The following ASTN2 variants were observed in gnomAD, a reference collection of about 807,000 sequenced individuals.
The protein encoded by ASTN2 is astrotactin-2.
In ASTN2, 54 loss-of-function variants were observed where a neutral mutation model predicts 139.8. The ratio of observed to expected loss-of-function variants is 0.39; its 90% CI spans 0.31 to 0.48. ASTN2 has a LOEUF of 0.48. Among genes scored for constraint, ASTN2 ranks in the 20% least tolerant of loss-of-function variants. ASTN2 has a pLI of 0.95. For missense variants in ASTN2, 1,565 were observed against 1,725.1 expected (o/e 0.91, Z 1.64); for synonymous variants, 756 against 719.5 (o/e 1.05, Z -0.81).
chr9:117,075,504 GGGA>G (rs1365225127), intron 5 of ASTN2, among the ~76,000 whole-genome samples: 1 of 149,396 alleles, frequency 6.7e-6, no homozygotes, highest in Admixed American at 6.6e-5. Flanking sequence ...AAGGGGGAGG[GGGA>G]GGAGGAGGAG....
At chr9:116,769,910 T>C (rs1829911746) in intron 13 of ASTN2, among the ~76,000 whole-genome samples, 1 of 37,856 alleles carries the variant, frequency 2.6e-5, no homozygotes, top group South Asian at 9.3e-4. Context: ...ATGGGCATGG[T>C]GGTGGGGTGC....
At chr9:117,196,046 G>A (rs1039784063) in intron 3 of ASTN2, among the ~76,000 whole-genome samples, 2 of 152,074 alleles carry the variant, frequency 1.3e-5, no homozygotes, top group African/African-American at 2.4e-5. Context: ...GCTCATTGCC[G>A]TCCCAAGGAT....
chr9:117,213,408 T>C (rs1048129413), intron 3 of ASTN2, among the ~76,000 whole-genome samples: 5 of 152,168 alleles, frequency 3.3e-5, no homozygotes, highest in Admixed American at 2.0e-4. Flanking sequence ...AGATTACTTA[T>C]TAATGTAATA....
intron 10 of ASTN2, among the ~76,000 whole-genome samples, chr9:116,974,416 T>C (rs914509456): frequency 1.3e-5 from 2 of 151,906 alleles, no homozygotes; most frequent in African/African-American, 4.8e-5. Context: ...AGTAAGTCTA[T>C]AATGAAGTTA....
chr9:117,294,215 C>T (rs142375986), intron 1 of ASTN2, among the ~76,000 whole-genome samples: 1 of 152,392 alleles, frequency 6.6e-6, no homozygotes, highest in African/African-American at 2.4e-5. Flanking sequence ...GTTGCACTTA[C>T]ATCTCCTTTC....
chr9:116,953,436 G>A (rs1324579996), intron 10 of ASTN2, among the ~76,000 whole-genome samples: 1 of 152,146 alleles, frequency 6.6e-6, no homozygotes, highest in Non-Finnish European at 1.5e-5. Context: ...GGTGTTGCTG[G>A]AGCCCAGCAT....
chr9:117,065,253 A>T (rs886729079), intron 5 of ASTN2, among the ~76,000 whole-genome samples: 8 of 152,134 alleles, frequency 5.3e-5, no homozygotes, highest in Non-Finnish European at 8.8e-5. Flanking sequence ...GGCCTCAAAA[A>T]CTGAGAGAGA....
At chr9:116,853,792 A>G (rs956708275) in intron 11 of ASTN2, among the ~76,000 whole-genome samples, 13 of 152,170 alleles carry the variant, frequency 8.5e-5, no homozygotes, top group African/African-American at 2.7e-4. Context: ...ATCATGAAAC[A>G]CTAATACAAT....
intron 3 of ASTN2, among the ~76,000 whole-genome samples, chr9:117,158,674 A>T (rs1830481713): frequency 3.3e-5 from 5 of 152,068 alleles, no homozygotes; most frequent in Admixed American, 3.3e-4. Flanking sequence ...GATTTTGTCA[A>T]GACTAGAAGA....
At chr9:116,826,254 C>T (rs1326313343) in intron 11 of ASTN2, among the ~76,000 whole-genome samples, 2 of 152,194 alleles carry the variant, frequency 1.3e-5, no homozygotes, top group Non-Finnish European at 2.9e-5. Context: ...CAAGGGGCTG[C>T]TGTGAGACCA....
At chr9:117,314,981 T>C (rs1433069561) in intron 1 of ASTN2, among the ~76,000 whole-genome samples, 1 of 147,718 alleles carries the variant, frequency 6.8e-6, no homozygotes, top group Non-Finnish European at 1.5e-5. Context: ...TGATGAAATA[T>C]ATGCAATATA....
At chr9:116,659,383 C>A (rs757330353) in intron 16 of ASTN2, among the ~76,000 whole-genome samples, 4 of 152,000 alleles carry the variant, frequency 2.6e-5, no homozygotes, top group Non-Finnish European at 4.4e-5. Context: ...GACTCCTGTC[C>A]CACTAGTGTA....
intron 7 of ASTN2, among the ~76,000 whole-genome samples, chr9:117,001,394 C>T (rs1231031883): frequency 6.6e-6 from 1 of 152,182 alleles, no homozygotes; most frequent in African/African-American, 2.4e-5. Context: ...GGAGAAAGTT[C>T]TAGCTGTTCT....
At chr9:116,871,357 T>C (rs1833161691) in intron 10 of ASTN2, among the ~76,000 whole-genome samples, 1 of 152,226 alleles carries the variant, frequency 6.6e-6, no homozygotes, top group Admixed American at 6.5e-5. Flanking sequence ...TACCATATGA[T>C]TTACCTATTT....
At chr9:116,871,856 G>A (rs1833174539) in intron 10 of ASTN2, among the ~76,000 whole-genome samples, 2 of 152,268 alleles carry the variant, frequency 1.3e-5, no homozygotes, top group African/African-American at 2.4e-5. Flanking sequence ...AGCCTTCTCA[G>A]CCCCTAATAG....
At chr9:117,127,214 A>G (rs1376169230) in intron 4 of ASTN2, among the ~76,000 whole-genome samples, 5 of 152,182 alleles carry the variant, frequency 3.3e-5, no homozygotes, top group African/African-American at 7.2e-5. Context: ...AGTTATTTCT[A>G]TGTAGTTCTG....
Position 116,976,738 on chromosome 9 carries a change from G to A in ASTN2, c.1639C>T (p.His547Tyr). The A allele has an allele frequency of 3.1e-6, 5 of 1,614,098 alleles. No individual in the cohort carries two copies. Among genetic ancestry groups the A allele is most frequent in the South Asian group, 1.1e-5 (1 of 91,080 alleles). The change falls in exon 8 of 23, where the codon CAC (histidine) becomes TAC (tyrosine). Residue 547 changes from histidine (H) to tyrosine (Y), a missense_variant. Around this residue, in one of 4 missense-constraint regions of ASTN2, gnomAD observed 503 missense variants for 591.7 expected, o/e 0.85. Transcript: ENST00000313400. ...CCCCAGTCACTGCGCACACACAGGT[G>A]TCTGTGAACAGGGTCAGGGGCATAG... ...EGYAPDPVHR[H>Y]LCVRSDWGQS...
intron 17 of ASTN2, among the ~76,000 whole-genome samples, chr9:116,630,218 C>T (rs1354575746): frequency 2.0e-5 from 3 of 152,096 alleles, no homozygotes. Flanking sequence ...GGTTCCTTTC[C>T]TAAGTTACAT....
chr9:117,406,619 A>G (rs1830997653), intron 1 of ASTN2, among the ~76,000 whole-genome samples: 1 of 152,002 alleles, frequency 6.6e-6, no homozygotes, highest in South Asian at 2.1e-4. Flanking sequence ...TCCGCCTGGA[A>G]TGTGCTTTTC....
Sources: allele counts gnomAD v4.1 joint callset (sites outside exome capture counted in the v4.1 genomes callset), GRCh38; gene constraint gnomAD v4.1.1; regional missense constraint gnomAD v4.1.1; transcripts MANE v1.5; gene names NCBI Gene and HGNC (gene_info 2026-07-23, HGNC 2026-07-21).